Variants in PRKG1 observed in about 807,000 individuals in gnomAD.
PRKG1 encodes the protein protein kinase cGMP-dependent 1.
PRKG1 carries 35 observed loss-of-function variants against 88.1 expected under a neutral mutation model. The observed-to-expected ratio is 0.40, with a 90% CI of 0.30 to 0.53. PRKG1 has a LOEUF of 0.53. Ranked by LOEUF, PRKG1 falls within the 20% of genes least tolerant of loss-of-function variation. PRKG1 has a pLI of 0.59. For missense variants in PRKG1, 540 were observed against 839.8 expected, an observed-to-expected ratio of 0.64 and a Z score of 4.41; for synonymous variants, 303 against 292.5, an observed-to-expected ratio of 1.04 and a Z score of -0.37.
At chr10:51,715,376 G>A (rs1589226854) in intron 3 of PRKG1, among the ~76,000 whole-genome samples, 1 of 152,256 alleles carries the variant, frequency 6.6e-6, no homozygotes, top group African/African-American at 2.4e-5. Context: ...ATACCTGGGT[G>A]TCCTCTAGGC....
intron 3 of PRKG1, among the ~76,000 whole-genome samples, chr10:51,511,400 G>C (rs141711283): frequency 2.0e-5 from 3 of 151,998 alleles, no homozygotes; most frequent in Non-Finnish European, 4.4e-5. Context: ...TAAAATGAAG[G>C]TACAACCCAC....
At chr10:51,035,516 C>A (rs567151760) in intron 1 of PRKG1, among the ~76,000 whole-genome samples, 1 of 152,074 alleles carries the variant, frequency 6.6e-6, no homozygotes, top group Non-Finnish European at 1.5e-5. Context: ...CTGGGTGATA[C>A]CTGACTGGCA....
chr10:52,007,017 A>G (rs755735780), intron 5 of PRKG1, among the ~76,000 whole-genome samples: 1 of 152,184 alleles, frequency 6.6e-6, no homozygotes, highest in Non-Finnish European at 1.5e-5. Flanking sequence ...TTCCATGTCC[A>G]ACCAAACTAA....
intron 3 of PRKG1, among the ~76,000 whole-genome samples, chr10:51,723,374 A>G (rs951102749): frequency 5.3e-5 from 8 of 152,246 alleles, no homozygotes; most frequent in Admixed American, 6.5e-5. Flanking sequence ...ATACACGAAT[A>G]GAAAACCAAA....
chr10:51,473,583 C>T (rs530598765), intron 3 of PRKG1, among the ~76,000 whole-genome samples: 1 of 151,942 alleles, frequency 6.6e-6, no homozygotes, highest in East Asian at 1.9e-4. Flanking sequence ...AAACTTAATT[C>T]CTTCTGAAGG....
chr10:51,945,003 G>A (rs1429140411), intron 5 of PRKG1, among the ~76,000 whole-genome samples: 4 of 150,764 alleles, frequency 2.7e-5, no homozygotes, highest in East Asian at 2.0e-4. Context: ...CAATTCCTGG[G>A]TATCCTTGTT....
intron 4 of PRKG1, among the ~76,000 whole-genome samples, chr10:51,864,574 A>G (rs1840968524): frequency 6.6e-6 from 1 of 152,204 alleles, no homozygotes; most frequent in Non-Finnish European, 1.5e-5. Context: ...TTAAGCAGAT[A>G]CATATTTTAC....
chr10:52,247,530 A>G (rs1413680021), intron 9 of PRKG1, among the ~76,000 whole-genome samples: 1 of 152,312 alleles, frequency 6.6e-6, no homozygotes, highest in African/African-American at 2.4e-5. Context: ...ACTTTTATCA[A>G]TTCTAAAGAA....
At chr10:51,932,293 G>A (rs968107874) in intron 5 of PRKG1, among the ~76,000 whole-genome samples, 9 of 150,954 alleles carry the variant, frequency 6.0e-5, no homozygotes, top group African/African-American at 2.2e-4. Context: ...CATACAGTCT[G>A]GAAAAGCAAG....
intron 3 of PRKG1, among the ~76,000 whole-genome samples, chr10:51,625,660 G>A (rs1839317299): frequency 6.6e-6 from 1 of 151,602 alleles, no homozygotes; most frequent in Non-Finnish European, 1.5e-5. Context: ...TCATTTAATA[G>A]TGCATTTAAA....
At chr10:51,954,112 T>G (rs1253282773) in intron 5 of PRKG1, among the ~76,000 whole-genome samples, 1 of 152,140 alleles carries the variant, frequency 6.6e-6, no homozygotes, top group Non-Finnish European at 1.5e-5. Flanking sequence ...TAAATGTAGT[T>G]ATATAAAAAA....
At chr10:51,146,396 T>C (rs1329451643) in intron 1 of PRKG1, among the ~76,000 whole-genome samples, 1 of 151,482 alleles carries the variant, frequency 6.6e-6, no homozygotes, top group Non-Finnish European at 1.5e-5. Context: ...GATATGTTTA[T>C]TCAGATCACA....
At chr10:51,384,123 A>T (rs1397304988) in intron 2 of PRKG1, among the ~76,000 whole-genome samples, 1 of 152,144 alleles carries the variant, frequency 6.6e-6, no homozygotes, top group African/African-American at 2.4e-5. Context: ...TCGTTTTATC[A>T]TCCTTCTTCA....
intron 3 of PRKG1, among the ~76,000 whole-genome samples, chr10:51,487,291 AGAG>A (rs923977286): frequency 1.3e-5 from 2 of 152,206 alleles, no homozygotes; most frequent in African/African-American, 2.4e-5. Flanking sequence ...TATTTCTGCT[AGAG>A]GAGATTATAT....
chr10:51,032,998 C>T (rs1269496017), intron 1 of PRKG1, among the ~76,000 whole-genome samples: 3 of 152,074 alleles, frequency 2.0e-5, no homozygotes, highest in Non-Finnish European at 4.4e-5. Flanking sequence ...CTTATTTCTA[C>T]TACAGTTTCT....
Position 51,945,261 on chromosome 10 carries a change from G to C in PRKG1, c.762+37691G>C, listed in dbSNP as rs572467997. On this transcript the variant is annotated intron_variant, in intron 5 of 17. Transcript: ENST00000373980. The stretch of plus-strand genomic sequence containing the variant: ...TGTTGGTTTAAAGTGTGTTTTATCA[G>C]AGACTAGGATTGCAACCCCAGCCTT... 2.0e-5 allele frequency among the ~76,000 whole-genome samples: 3 copies of C among 150,076 alleles called. No homozygotes were observed. In the East Asian group the frequency reaches 6.1e-4, roughly 31 times the overall value.
chr10:51,249,078 A>G (rs994134812), intron 2 of PRKG1, among the ~76,000 whole-genome samples: 1 of 151,864 alleles, frequency 6.6e-6, no homozygotes, highest in Non-Finnish European at 1.5e-5. Context: ...ATTTTTAAAA[A>G]CATGATAAAT....
intron 3 of PRKG1, among the ~76,000 whole-genome samples, chr10:51,491,125 G>T (rs772366455): frequency 2.0e-5 from 3 of 151,952 alleles, no homozygotes; most frequent in Admixed American, 6.6e-5. Flanking sequence ...ATGTATAATA[G>T]GGTCATTAAG....
intron 3 of PRKG1, among the ~76,000 whole-genome samples, chr10:51,494,008 A>G (rs138399184): frequency 6.6e-6 from 1 of 152,116 alleles, no homozygotes; most frequent in African/African-American, 2.4e-5. Context: ...TATTTTTTCT[A>G]CTTAAAATTG....
Sources: gnomAD v4.1 joint callset for allele counts (sites outside exome capture counted in the v4.1 genomes callset) on GRCh38, gnomAD v4.1.1 for gene constraint, MANE v1.5 for transcripts, NCBI Gene and HGNC (gene_info 2026-07-23, HGNC 2026-07-21) for gene names.